GRIK3: variants seen among roughly 807,000 people sequenced by gnomAD.
GRIK3 encodes glutamate receptor ionotropic, kainate 3.
GRIK3 carries 29 observed loss-of-function variants against 102.5 expected under a neutral mutation model. The observed-to-expected ratio is 0.28, with a 90% CI of 0.21 to 0.39. GRIK3 has a LOEUF of 0.39. Among genes scored for constraint, GRIK3 ranks in the 10% least tolerant of loss-of-function variants. The pLI, the probability that GRIK3 is intolerant of heterozygous loss-of-function variation, is 1.00. For synonymous variants in GRIK3, 511 were observed against 504.9 expected, an observed-to-expected ratio of 1.01 and a Z score of -0.16; for missense variants, 908 against 1,252.4, an observed-to-expected ratio of 0.73 and a Z score of 4.15.
At chr1:36,826,013 A>G (rs1642751760) in intron 10 of GRIK3, among the ~76,000 whole-genome samples, 187 bp from the exon 11 acceptor site, 1 of 152,190 alleles carries the variant, frequency 6.6e-6, no homozygotes, top group African/African-American at 2.4e-5. Flanking sequence ...TGGGGAGACA[A>G]TGATGAATTC....
At chr1:36,924,752 C>T (rs940596130) in intron 1 of GRIK3, among the ~76,000 whole-genome samples, 1 of 152,172 alleles carries the variant, frequency 6.6e-6, no homozygotes, top group Non-Finnish European at 1.5e-5. Context: ...GCCAACTGTG[C>T]TCCCCAGGGC....
intron 1 of GRIK3, among the ~76,000 whole-genome samples, chr1:36,915,577 C>T (rs960373798): frequency 1.3e-5 from 2 of 152,114 alleles, no homozygotes; most frequent in African/African-American, 4.8e-5. Context: ...CTTGAATCCC[C>T]ATGTGATGTG....
intron 1 of GRIK3, among the ~76,000 whole-genome samples, chr1:36,902,438 T>C (rs900656242): frequency 3.9e-5 from 6 of 152,140 alleles, no homozygotes; most frequent in Non-Finnish European, 8.8e-5. Flanking sequence ...ATAAATAAAG[T>C]CGACCGATCT....
At position 36,831,765 on chromosome 1, in the gene GRIK3, A is replaced by T. The variant is rs1013902771; in HGVS notation, c.1531-5939T>A. Among the ~76,000 whole-genome samples, 14 of 152,364 alleles carry T rather than the reference A, an allele frequency of 9.2e-5. No homozygotes were observed. In the East Asian group the frequency reaches 2.5e-3, roughly 27 times the overall value. On this transcript the variant is annotated intron_variant, in intron 10 of 15. Coordinates refer to ENST00000373091, the MANE Select transcript of GRIK3 (RefSeq NM_000831.4). ...ACTGAGGAACTGAATTTATACTTTA[A>T]TTGAATTTTAATTAATTAAAGCTTA...
Position 36,850,563 on chromosome 1 carries a change from G to T in GRIK3, c.1213-139C>A. The stretch of plus-strand genomic sequence containing the variant: ...CATCATCATCATCACCACTGCCATT[G>T]TGTTTCCAGTTATAACCGTTCTGGA... On this transcript the variant is annotated intron_variant, in intron 8 of 15. Transcript: ENST00000373091. The surrounding 1 kb of genome is among the most constrained non-coding windows in gnomAD (Gnocchi z 4.0). 1.5e-6 allele frequency: 1 copy of T among 649,806 alleles called. No homozygotes were observed. Among genetic ancestry groups the T allele is most frequent in the Non-Finnish European group, 2.8e-6 (1 of 355,612 alleles). The allele number at this position is 649,806 out of a possible 1,614,324, so 40.3% of individuals were successfully genotyped here. A position where few individuals can be genotyped will look rare whatever the true frequency, so the allele number is the denominator to read the frequency against.
Position 36,869,711 on chromosome 1 carries a change from C to T in GRIK3, c.786+37G>A, listed in dbSNP as rs187126733. On this transcript the variant is annotated intron_variant, in intron 5 of 15. Transcript: ENST00000373091. ...CAATGAACTTGATCCATGAGAGTCC[C>T]ACCCCTTTCCCGTGCCAGGACCCAG... is the stretch of plus-strand genomic sequence containing the variant. 2,152 of 1,478,414 alleles carry T rather than the reference C, an allele frequency of 1.5e-3. 7 individuals are homozygous for T. The highest frequency in any genetic ancestry group is 1.7e-3 in the Middle Eastern group (10 of 5,816). 91.6% of individuals were successfully genotyped at this position (1,478,414 alleles called of 1,614,324 possible).
intron 1 of GRIK3, among the ~76,000 whole-genome samples, chr1:36,967,531 G>A (rs1275180171): frequency 6.6e-6 from 1 of 152,218 alleles, no homozygotes; most frequent in African/African-American, 2.4e-5. Context: ...CACAGCCTAT[G>A]GTCTGGAAAG....
At chr1:36,965,713 G>A (rs1642070989) in intron 1 of GRIK3, among the ~76,000 whole-genome samples, 1 of 152,162 alleles carries the variant, frequency 6.6e-6, no homozygotes, top group African/African-American at 2.4e-5. Context: ...GAGTCCCAAC[G>A]GGAATTTTGT....
intron 13 of GRIK3, among the ~76,000 whole-genome samples, chr1:36,815,968 C>G (rs916140731): frequency 3.3e-5 from 5 of 151,916 alleles, no homozygotes; most frequent in African/African-American, 1.2e-4. Context: ...CCAGGCTGGT[C>G]TCGAACTCCT....
At chr1:36,954,174 AG>A (rs1418018230) in intron 1 of GRIK3, among the ~76,000 whole-genome samples, 3 of 152,158 alleles carry the variant, frequency 2.0e-5, no homozygotes, top group Non-Finnish European at 4.4e-5. Flanking sequence ...GGTGAGATAG[AG>A]GGGGGCATTC....
chr1:37,001,012 A>T (rs2124031305), intron 1 of GRIK3, among the ~76,000 whole-genome samples: 1 of 152,340 alleles, frequency 6.6e-6, no homozygotes. Context: ...AGAGGTTAGG[A>T]TGTAAAAGGT....
At chr1:36,845,949 C>T (rs1294343552) in intron 9 of GRIK3, among the ~76,000 whole-genome samples, 1 of 152,210 alleles carries the variant, frequency 6.6e-6, no homozygotes, top group Non-Finnish European at 1.5e-5. Flanking sequence ...CACAAATGCA[C>T]CCATCACTGA....
chr1:36,881,727 A>G (rs986161642), intron 2 of GRIK3, among the ~76,000 whole-genome samples: 1 of 152,122 alleles, frequency 6.6e-6, no homozygotes, highest in African/African-American at 2.4e-5. Flanking sequence ...TATAAGGTAG[A>G]TTACGTCACT....
At position 36,872,323 on chromosome 1, in the gene GRIK3, G is replaced by T; in HGVS notation, c.597C>A (p.Asn199Lys). 1 of 1,612,174 alleles carries T rather than the reference G, an allele frequency of 6.2e-7. No individual in the cohort carries two copies. The highest frequency in any genetic ancestry group is 8.5e-7 in the Non-Finnish European group (1 of 1,178,996). Residue 199 changes from asparagine to lysine, a missense_variant, in exon 4 of 16, where the codon AAC becomes AAA. Asn to Lys is a moderately conservative substitution (Grantham distance 94). Coordinates refer to ENST00000373091, the MANE Select transcript of GRIK3 (RefSeq NM_000831.4). The surrounding 1 kb of genome is among the most constrained non-coding windows in gnomAD (Gnocchi z 5.9). Reference sequence around the variant, plus strand: ...GGAGCTGACGGATCTTCAGGCGGATGTTGTATCTTGATGGGGCCATGATGA... The same window carrying T: ...GGAGCTGACGGATCTTCAGGCGGATTTTGTATCTTGATGGGGCCATGATGA... ...QELIMAPSRY[N>K]IRLKIRQLPI...
intron 4 of GRIK3, among the ~76,000 whole-genome samples, chr1:36,871,616 T>C (rs1640844569): frequency 6.6e-6 from 1 of 152,248 alleles, no homozygotes; most frequent in Admixed American, 6.5e-5. Flanking sequence ...CAGGCCATGC[T>C]GAGCTGTGTT....
intron 1 of GRIK3, among the ~76,000 whole-genome samples, chr1:37,004,154 A>C (rs570977536): frequency 6.6e-6 from 1 of 152,264 alleles, no homozygotes; most frequent in South Asian, 2.1e-4. Context: ...AAGAAAATGC[A>C]ACAGGGCAGG....
chr1:36,974,286 A>G (rs1004911180), intron 1 of GRIK3, among the ~76,000 whole-genome samples: 1 of 152,108 alleles, frequency 6.6e-6, no homozygotes, highest in African/African-American at 2.4e-5. Context: ...CATTACTTTC[A>G]ATGACAGAAA....
intron 1 of GRIK3, among the ~76,000 whole-genome samples, chr1:36,946,189 C>T (rs1190013008): frequency 6.6e-6 from 1 of 152,250 alleles, no homozygotes; most frequent in Non-Finnish European, 1.5e-5. Flanking sequence ...GTATCCAGAG[C>T]CTCCTGGGCA....
Position 36,929,624 on chromosome 1 carries a change from T to C in GRIK3, c.116-38528A>G, listed in dbSNP as rs912916146. ...GGGATTTTCTAGTTTTTTTCCTCAG[T>C]GAATATCTCCTGGGGCCAGAGACCC... On this transcript the variant is annotated intron_variant, in intron 1 of 15. Coordinates refer to ENST00000373091, the MANE Select transcript of GRIK3 (RefSeq NM_000831.4). Among the ~76,000 whole-genome samples the C allele has an allele frequency of 6.6e-5, 10 of 152,106 alleles. No individual in the cohort carries two copies. The East Asian group carries it at 1.2e-3, about 18-fold the overall frequency.
Sources: gnomAD v4.1 joint callset for allele counts (sites outside exome capture counted in the v4.1 genomes callset) on GRCh38, gnomAD v4.1.1 for gene constraint, Gnocchi (gnomAD v3.1) non-coding constraint, MANE v1.5 for transcripts, NCBI Gene and HGNC (gene_info 2026-07-23, HGNC 2026-07-21) for gene names.